SLC4A5: variants seen among roughly 807,000 people sequenced by gnomAD.
SLC4A5 encodes the protein solute carrier family 4 member 5.
A neutral mutation model predicts 120.4 loss-of-function variants in SLC4A5; 96 were observed. That is an observed-to-expected ratio of 0.80 (90% CI 0.68 to 0.94). The LOEUF (loss-of-function observed/expected upper bound fraction) is 0.94. Among genes scored for constraint, SLC4A5 ranks in the 40% least tolerant of loss-of-function variants. The pLI, the probability that SLC4A5 is intolerant of heterozygous loss-of-function variation, is 0.00. For synonymous variants in SLC4A5, 550 were observed against 571.1 expected (o/e 0.96, Z 0.53); for missense variants, 1,259 against 1,459.5 (o/e 0.86, Z 2.24).
At chr2:74,221,734 T>C (rs1694655322) in intron 29 of SLC4A5, among the ~76,000 whole-genome samples, 1 of 151,596 alleles carries the variant, frequency 6.6e-6, no homozygotes, top group Non-Finnish European at 1.5e-5. Flanking sequence ...AAGAGAGAAA[T>C]AGGAGTGGGG....
intron 4 of SLC4A5, among the ~76,000 whole-genome samples, chr2:74,329,254 T>TA (rs1673291138): frequency 6.6e-6 from 1 of 152,122 alleles, no homozygotes; most frequent in African/African-American, 2.4e-5. Flanking sequence ...GGGGTATAGA[T>TA]AGAGGTGTGA....
chr2:74,250,697 G>A (rs1670762901), intron 16 of SLC4A5, 180 bp from the exon 17 acceptor site: 1 of 697,316 alleles, frequency 1.4e-6, no homozygotes, highest in Non-Finnish European at 2.3e-6. Context: ...GACTGAGTTT[G>A]TGGTTGGCAC....
chr2:74,251,657 G>A (rs1670793627), intron 16 of SLC4A5, among the ~76,000 whole-genome samples: 1 of 152,198 alleles, frequency 6.6e-6, no homozygotes, highest in Non-Finnish European at 1.5e-5. Context: ...TACACAAAGA[G>A]GAAAGTGCTC....
intron 8 of SLC4A5, among the ~76,000 whole-genome samples, chr2:74,275,702 C>A (rs1015685180): frequency 6.6e-6 from 1 of 152,226 alleles, no homozygotes; most frequent in African/African-American, 2.4e-5. Flanking sequence ...TTCCTAATCA[C>A]GACAACAGCT....
intron 24 of SLC4A5, among the ~76,000 whole-genome samples, chr2:74,231,982 T>C (rs1041257038): frequency 1.3e-5 from 2 of 152,068 alleles, no homozygotes; most frequent in African/African-American, 2.4e-5. Flanking sequence ...CTGCCTACCA[T>C]GGGGCGTGAG....
At chr2:74,315,538 C>T (rs1039643667) in intron 5 of SLC4A5, among the ~76,000 whole-genome samples, 7 of 150,300 alleles carry the variant, frequency 4.7e-5, no homozygotes, top group Non-Finnish European at 1.0e-4. Flanking sequence ...ACAAATGACA[C>T]ATTTACAAAG....
chr2:74,285,018 T>C (rs1218342937), intron 8 of SLC4A5, among the ~76,000 whole-genome samples: 1 of 152,102 alleles, frequency 6.6e-6, no homozygotes, highest in East Asian at 1.9e-4. Context: ...TTTTACAGCA[T>C]TTACCTTGAA....
In SLC4A5 at chr2:74,248,435, G is replaced by C. The variant is rs145505863; in HGVS notation, c.1705C>G (p.Leu569Val). The change falls in exon 18 of 31, where the codon CTC (leucine) becomes GTC (valine). Residue 569 changes from leucine (L) to valine (V), a missense_variant. Leu to Val is a conservative substitution (Grantham distance 32, BLOSUM62 1). Transcript: ENST00000394019. ...ATGATGAGAGGCTGTCCCGAGAAGA[G>C]GCAGAACAAGGAGCCAGCCATGGCA... 4.1e-5 allele frequency: 66 copies of C among 1,614,178 alleles called. No homozygotes were observed. Among genetic ancestry groups the C allele is most frequent in the East Asian group, 2.2e-4 (10 of 44,872 alleles).
intron 5 of SLC4A5, among the ~76,000 whole-genome samples, chr2:74,315,424 A>G (rs1469832113): frequency 6.8e-6 from 1 of 147,886 alleles, no homozygotes; most frequent in Admixed American, 6.8e-5. Flanking sequence ...GGGGGAACAG[A>G]GCAAGACTCT....
intron 25 of SLC4A5, among the ~76,000 whole-genome samples, chr2:74,229,264 G>A (rs950147566): frequency 1.8e-4 from 26 of 147,570 alleles, no homozygotes; most frequent in Admixed American, 6.7e-4. Flanking sequence ...TTTTTTGGGG[G>A]GGGCACGGAG....
chr2:74,239,196 T>C, intron 21 of SLC4A5, 139 bp downstream of exon 21: 1 of 711,914 alleles, frequency 1.4e-6, no homozygotes, highest in East Asian at 2.6e-5. Context: ...GGGAACACAG[T>C]TCTCTCTGAC....
exon 30 of SLC4A5, chr2:74,221,449 G>A: frequency 6.2e-7 from 1 of 1,613,162 alleles, no homozygotes; most frequent in Non-Finnish European, 8.5e-7. Flanking sequence ...GTCAAGTTCT[G>A]TGTCACTGAA....
At chr2:74,309,786 A>G (rs1435877033) in intron 6 of SLC4A5, among the ~76,000 whole-genome samples, 7 of 151,650 alleles carry the variant, frequency 4.6e-5, no homozygotes, top group Non-Finnish European at 8.8e-5. Context: ...GTCCTGAGTA[A>G]CTGGGACTAC....
chr2:74,236,565 T>A (rs1324705610), intron 21 of SLC4A5, among the ~76,000 whole-genome samples: 1 of 152,258 alleles, frequency 6.6e-6, no homozygotes, highest in African/African-American at 2.4e-5. Context: ...GTGTGTTTTA[T>A]CTGTAAGTCA....
intron 21 of SLC4A5, among the ~76,000 whole-genome samples, chr2:74,238,050 C>T (rs780871759): frequency 2.6e-5 from 4 of 151,876 alleles, no homozygotes; most frequent in Admixed American, 6.6e-5. Flanking sequence ...TGCAGTGAGC[C>T]GAGATCATGC....
rs374277533 is a variant in SLC4A5, at chr2:74,248,317, G to A, written c.1787+36C>T. The stretch of plus-strand genomic sequence containing the variant: ...AGCCCCAGCATACTGCCCCAAATGC[G>A]AGAGCAGGCACTGGGGGCCACCAAG... On this transcript the variant is annotated intron_variant, in intron 18 of 30. Transcript: ENST00000394019. The A allele has an allele frequency of 6.1e-5, 99 of 1,609,996 alleles. 1 individual carries two copies. Among genetic ancestry groups the A allele is most frequent in the South Asian group, 1.8e-4 (16 of 90,652 alleles).
At chr2:74,227,336 G>A (rs559614765) in intron 26 of SLC4A5, among the ~76,000 whole-genome samples, 2 of 152,282 alleles carry the variant, frequency 1.3e-5, no homozygotes, top group African/African-American at 2.4e-5. Flanking sequence ...CTGGGTGAGG[G>A]GAGGAGCCCT....
chr2:74,239,686 T>C, intron 20 of SLC4A5, 151 bp from the exon 21 acceptor site: 1 of 700,634 alleles, frequency 1.4e-6, no homozygotes, highest in Middle Eastern at 4.1e-4. Flanking sequence ...GACGGGCTGG[T>C]TCAAGGAATG....
rs553123198 is a variant in SLC4A5, at chr2:74,233,075, C to A, written c.2595+327G>T. On this transcript the variant is annotated intron_variant, in intron 23 of 30. Transcript: ENST00000394019. ...AGAGACCAGGAAGGCTAAGGAAGTT[C>A]CTCTGCCTCAGTGTTCTAGGCTGAG... 4.7e-4 allele frequency among the ~76,000 whole-genome samples: 71 copies of A among 152,284 alleles called. 1 individual carries two copies. The South Asian group carries it at 0.015, about 32-fold the overall frequency.
Sources: gnomAD v4.1 joint callset for allele counts (sites outside exome capture counted in the v4.1 genomes callset) on GRCh38, gnomAD v4.1.1 for gene constraint, MANE v1.5 for transcripts, NCBI Gene and HGNC (gene_info 2026-07-23, HGNC 2026-07-21) for gene names.